RUNX1: variants seen among roughly 807,000 people sequenced by gnomAD.
RUNX1 encodes runt-related transcription factor 1.
RUNX1 carries 19 observed loss-of-function variants against 42.8 expected under a neutral mutation model. The observed-to-expected ratio is 0.44, with a 90% CI of 0.31 to 0.65. The LOEUF (loss-of-function observed/expected upper bound fraction) is 0.65, where lower values mean the gene tolerates loss of function less well. RUNX1 is among the 30% of genes least tolerant of loss of function. RUNX1 has a pLI of 0.07. For synonymous variants in RUNX1, 271 were observed against 289.4 expected (o/e 0.94, Z 0.64); for missense variants, 528 against 672.0 (o/e 0.79, Z 2.37).
intron 2 of RUNX1, among the ~76,000 whole-genome samples, chr21:34,978,258 C>G (rs1395479753): frequency 6.6e-6 from 1 of 152,120 alleles, no homozygotes; most frequent in Non-Finnish European, 1.5e-5. Flanking sequence ...ATTTTTTGAC[C>G]AATGAGAAAT....
intron 6 of RUNX1, among the ~76,000 whole-genome samples, chr21:34,848,457 CAG>C (rs1160448378): frequency 6.6e-6 from 1 of 152,180 alleles, no homozygotes; most frequent in Non-Finnish European, 1.5e-5. Flanking sequence ...TTTTTTGAGA[CAG>C]AGTCTCACTC....
chr21:35,048,926 T>C lies in RUNX1; in HGVS notation c.-27A>G. The C allele has an allele frequency of 6.2e-7, 1 of 1,609,356 alleles. No individual in the cohort carries two copies. The highest frequency in any genetic ancestry group is 8.5e-7 in the Non-Finnish European group (1 of 1,175,946). ...GCTTCCTCCTGAAAATGCACCCTCT[T>C]CTGAAGGCGGGGGACTCAATGATTT... On this transcript the variant is annotated 5_prime_UTR_variant, in exon 2 of 9. Coordinates refer to ENST00000675419, the MANE Select transcript of RUNX1 (RefSeq NM_001754.5).
At chr21:34,991,262 C>T (rs1159057702) in intron 2 of RUNX1, among the ~76,000 whole-genome samples, 1 of 152,292 alleles carries the variant, frequency 6.6e-6, no homozygotes, top group East Asian at 1.9e-4. Context: ...TACCTCCTCC[C>T]GAAATTCCCT....
intron 2 of RUNX1, among the ~76,000 whole-genome samples, chr21:34,963,343 G>C (rs1461818062): frequency 6.6e-6 from 1 of 152,222 alleles, no homozygotes; most frequent in African/African-American, 2.4e-5. Flanking sequence ...GTCCAGGACA[G>C]TAGTGGCCTT....
intron 3 of RUNX1, 124 bp from the exon 4 acceptor site, chr21:34,887,220 G>C: frequency 8.0e-7 from 1 of 1,254,806 alleles, no homozygotes; most frequent in Non-Finnish European, 1.0e-6. Context: ...ACACGTTCAG[G>C]GGCCTTTATT....
intron 2 of RUNX1, among the ~76,000 whole-genome samples, chr21:34,997,222 A>T (rs896429307): frequency 2.6e-5 from 4 of 152,280 alleles, no homozygotes; most frequent in Admixed American, 6.5e-5. Flanking sequence ...TAAACATCCT[A>T]GCACTTAAAA....
chr21:34,995,232 A>C (rs2058984975), intron 2 of RUNX1, among the ~76,000 whole-genome samples: 1 of 152,170 alleles, frequency 6.6e-6, no homozygotes, highest in Admixed American at 6.5e-5. Context: ...CCTTCCCAGC[A>C]GACTCTCTGA....
Position 34,940,904 on chromosome 21 carries a change from G to A in RUNX1, c.59-47941C>T, listed in dbSNP as rs8131250. Among the ~76,000 whole-genome samples, 489 of 152,310 alleles carry A rather than the reference G, an allele frequency of 3.2e-3. 1 individual carries two copies. Among genetic ancestry groups the A allele is most frequent in the African/African-American group, 0.011 (456 of 41,574 alleles). On this transcript the variant is annotated intron_variant, in intron 2 of 8. Transcript: ENST00000675419. ...TTCAAGTTGGACTGAAATAAACTCA[G>A]GTCTAGGTTGCCTTCTCAATGGCAG...
chr21:34,809,365 C>G (rs977704728), intron 7 of RUNX1, among the ~76,000 whole-genome samples: 7 of 152,018 alleles, frequency 4.6e-5, no homozygotes, highest in Admixed American at 2.0e-4. Context: ...ATATCTCAAG[C>G]AGCCTCCATC....
At chr21:34,840,878 A>G (rs1326737586) in intron 6 of RUNX1, among the ~76,000 whole-genome samples, 3 of 152,122 alleles carry the variant, frequency 2.0e-5, no homozygotes, top group African/African-American at 7.2e-5. Context: ...TCTCTCCCTT[A>G]AGCCTTCACA....
intron 2 of RUNX1, among the ~76,000 whole-genome samples, chr21:34,998,066 C>A (rs1011951017): frequency 1.6e-4 from 25 of 152,126 alleles, no homozygotes; most frequent in Admixed American, 4.6e-4. Flanking sequence ...TAGACATCTA[C>A]CACTCAAATG....
intron 2 of RUNX1, among the ~76,000 whole-genome samples, chr21:34,999,935 T>A (rs2059027770): frequency 6.6e-6 from 1 of 152,226 alleles, no homozygotes; most frequent in Non-Finnish European, 1.5e-5. Flanking sequence ...CTCTACCTAG[T>A]GGTTAAGCTT....
At chr21:35,030,781 GA>G (rs1210630112) in intron 2 of RUNX1, among the ~76,000 whole-genome samples, 6 of 152,096 alleles carry the variant, frequency 3.9e-5, no homozygotes, top group Non-Finnish European at 8.8e-5. Flanking sequence ...ACAGAATAAA[GA>G]CAAAACCTAC....
chr21:34,895,199 C>T (rs575985433), intron 2 of RUNX1, among the ~76,000 whole-genome samples: 1 of 152,142 alleles, frequency 6.6e-6, no homozygotes, highest in Non-Finnish European at 1.5e-5. Flanking sequence ...GGCTGAGAAG[C>T]TTTTATATTG....
At position 34,837,114 on chromosome 21, in the gene RUNX1, T is replaced by A. The variant is rs138657041; in HGVS notation, c.614-2513A>T. ...TACCTGCCAAAATTGTAGTCATTTA[T>A]AGAGATTAACTGATGACTGTCTGCT... is the stretch of plus-strand genomic sequence containing the variant. On this transcript the variant is annotated intron_variant, in intron 6 of 8. Coordinates refer to ENST00000675419, the MANE Select transcript of RUNX1 (RefSeq NM_001754.5). Among the ~76,000 whole-genome samples, 51 of 152,370 alleles carry A rather than the reference T, an allele frequency of 3.3e-4. No individual in the cohort carries two copies. In the East Asian group the frequency reaches 9.6e-3, roughly 29 times the overall value.
At chr21:34,855,853 G>A (rs1314193684) in intron 6 of RUNX1, among the ~76,000 whole-genome samples, 1 of 152,188 alleles carries the variant, frequency 6.6e-6, no homozygotes, top group Non-Finnish European at 1.5e-5. Context: ...CGAAAACAGA[G>A]CCCACCTTGG....
intron 6 of RUNX1, among the ~76,000 whole-genome samples, chr21:34,846,738 A>C (rs1179715900): frequency 1.3e-5 from 2 of 151,986 alleles, no homozygotes; most frequent in African/African-American, 4.8e-5. Context: ...AGCCCTCAAG[A>C]CTCAAATTTC....
At chr21:34,809,904 C>T (rs549652803) in intron 7 of RUNX1, among the ~76,000 whole-genome samples, 13 of 152,302 alleles carry the variant, frequency 8.5e-5, no homozygotes, top group African/African-American at 2.4e-4. Flanking sequence ...TATGAGTTGT[C>T]GATATTGGAG....
intron 2 of RUNX1, among the ~76,000 whole-genome samples, chr21:34,905,344 C>T (rs574850246): frequency 6.6e-6 from 1 of 152,274 alleles, no homozygotes; most frequent in Admixed American, 6.5e-5. Flanking sequence ...TAAATGATTT[C>T]CCCATCCCCC....
Sources: gnomAD v4.1 joint callset for allele counts (sites outside exome capture counted in the v4.1 genomes callset) on GRCh38, gnomAD v4.1.1 for gene constraint, MANE v1.5 for transcripts, NCBI Gene and HGNC (gene_info 2026-07-23, HGNC 2026-07-21) for gene names.